The following PTPRE variants were observed in gnomAD, a reference collection of about 807,000 sequenced individuals.
PTPRE encodes receptor-type tyrosine-protein phosphatase epsilon.
In PTPRE, 51 loss-of-function variants were observed where a neutral mutation model predicts 102.0. That is an observed-to-expected ratio of 0.50 (90% CI 0.40 to 0.63). PTPRE has a LOEUF of 0.63. Among genes scored for constraint, PTPRE ranks in the 30% least tolerant of loss-of-function variants. The pLI is 0.00. For synonymous variants in PTPRE, 345 were observed against 348.2 expected (o/e 0.99, Z 0.10); for missense variants, 752 against 915.1 (o/e 0.82, Z 2.30).
intron 1 of PTPRE, among the ~76,000 whole-genome samples, chr10:127,975,201 G>A (rs547915815): frequency 2.5e-4 from 38 of 152,220 alleles, no homozygotes; most frequent in African/African-American, 9.6e-5. Flanking sequence ...CGTGAGACAC[G>A]GTTGTGTGAG....
intron 1 of PTPRE, among the ~76,000 whole-genome samples, chr10:127,926,786 C>T (rs1178810996): frequency 3.4e-5 from 5 of 146,422 alleles, no homozygotes; most frequent in Non-Finnish European, 6.0e-5. Flanking sequence ...TGAGAGAGAC[C>T]AAGGGAAAGA....
intron 2 of PTPRE, among the ~76,000 whole-genome samples, chr10:128,013,337 G>C (rs755202431): frequency 2.0e-5 from 3 of 152,160 alleles, no homozygotes; most frequent in Non-Finnish European, 4.4e-5. Context: ...CAATGTGTGC[G>C]GTCAAAACAA....
At position 127,923,398 on chromosome 10, in the gene PTPRE, ATTTTTTTT is replaced by A. The variant is rs35994733; in HGVS notation, c.-31+16105_-31+16112del. ...GATCCTGATGTGAAAACCAGTTTGA[ATTTTTTTT>A]TTTTTTTTTTTTTTTGAGACGGAAT... is the stretch of plus-strand genomic sequence containing the variant. On this transcript the variant is annotated intron_variant, in intron 1 of 20. Coordinates refer to ENST00000254667, the MANE Select transcript of PTPRE (RefSeq NM_006504.6). Among the ~76,000 whole-genome samples the A allele has an allele frequency of 3.2e-3, 337 of 106,922 alleles. 1 individual carries two copies. The highest frequency in any genetic ancestry group is 0.012 in the African/African-American group (315 of 25,512). The allele number at this position is 106,922 out of a possible 152,430, so 70.1% of individuals were successfully genotyped here.
intron 1 of PTPRE, among the ~76,000 whole-genome samples, chr10:127,942,374 G>T (rs184962523): frequency 6.6e-6 from 1 of 152,262 alleles, no homozygotes; most frequent in Non-Finnish European, 1.5e-5. Flanking sequence ...TAAATTGTAC[G>T]ACATCCTCGA....
intron 2 of PTPRE, among the ~76,000 whole-genome samples, chr10:128,031,400 C>T (rs866241110): frequency 5.9e-5 from 9 of 152,332 alleles, no homozygotes; most frequent in African/African-American, 1.7e-4. Flanking sequence ...TGGGAGACAG[C>T]GGGAGGGCTG....
At chr10:127,932,251 C>T (rs979013995) in intron 1 of PTPRE, among the ~76,000 whole-genome samples, 8 of 152,142 alleles carry the variant, frequency 5.3e-5, no homozygotes, top group Non-Finnish European at 8.8e-5. Flanking sequence ...TAACATGCCG[C>T]GTTGAAGAAC....
rs747881142 is a variant in PTPRE, at chr10:128,082,856, G to A, written c.2053G>A (p.Val685Met). Residue 685 changes from valine to methionine, a missense_variant, in exon 21 of 21, where the codon GTG becomes ATG. Coordinates refer to ENST00000254667, the MANE Select transcript of PTPRE (RefSeq NM_006504.6). ...TLEQYEFCYKVVQDFIDIFSD... is the reference protein window; with the variant it reads ...TLEQYEFCYKMVQDFIDIFSD... Reference sequence around the variant, plus strand: ...GGAACAGTATGAATTCTGCTACAAAGTGGTACAAGATTTTATTGATATATT... The same window carrying A: ...GGAACAGTATGAATTCTGCTACAAAATGGTACAAGATTTTATTGATATATT... 6.4e-7 allele frequency: 1 copy of A among 1,557,526 alleles called. No homozygotes were observed. The highest frequency in any genetic ancestry group is 1.3e-5 in the South Asian group (1 of 77,788).
intron 1 of PTPRE, among the ~76,000 whole-genome samples, chr10:127,937,846 G>A (rs899745946): frequency 6.6e-5 from 10 of 152,140 alleles, no homozygotes; most frequent in Admixed American, 2.0e-4. Context: ...GAGGCAAAGC[G>A]AGACTCTGTC....
rs1260870202 is a variant in PTPRE, at chr10:128,021,914, C to G, written c.-7-18961C>G. ...GGCGAGTCTTCATTCCTGTTCGAGG[C>G]TTTGATTTCCAGTAGTTGGCCGCAA... is the stretch of plus-strand genomic sequence containing the variant. On this transcript the variant is annotated intron_variant, in intron 2 of 20. Coordinates refer to ENST00000254667, the MANE Select transcript of PTPRE (RefSeq NM_006504.6). Among the ~76,000 whole-genome samples the G allele has an allele frequency of 2.0e-5, 3 of 152,238 alleles. No individual in the cohort carries two copies. In the East Asian group the frequency reaches 5.8e-4, roughly 29 times the overall value.
At chr10:128,019,634 C>T (rs1436389045) in intron 2 of PTPRE, among the ~76,000 whole-genome samples, 1 of 134,852 alleles carries the variant, frequency 7.4e-6, no homozygotes, top group Non-Finnish European at 1.8e-5. Flanking sequence ...TATGTCAGCC[C>T]ATTCATTCAT....
intron 1 of PTPRE, among the ~76,000 whole-genome samples, chr10:127,972,476 G>T (rs922730133): frequency 1.3e-5 from 2 of 152,202 alleles, no homozygotes; most frequent in African/African-American, 4.8e-5. Context: ...CCTCATAAAT[G>T]TGATTATTAG....
chr10:128,021,619 G>T (rs1370834984), intron 2 of PTPRE, among the ~76,000 whole-genome samples: 1 of 152,190 alleles, frequency 6.6e-6, no homozygotes, highest in African/African-American at 2.4e-5. Context: ...CCAAAGCATA[G>T]AATGCCCCCA....
chr10:127,970,092 TA>T (rs963952485), intron 1 of PTPRE, among the ~76,000 whole-genome samples: 3 of 151,584 alleles, frequency 2.0e-5, no homozygotes, highest in South Asian at 4.2e-4. Context: ...CACACACGCG[TA>T]AAAAAAAGAG....
chr10:127,935,789 C>T (rs1299513164), intron 1 of PTPRE, among the ~76,000 whole-genome samples: 1 of 152,196 alleles, frequency 6.6e-6, no homozygotes, highest in African/African-American at 2.4e-5. Context: ...TTCACAGGGA[C>T]CCCTCCACCT....
At position 128,008,589 on chromosome 10, in the gene PTPRE, C is replaced by T. The variant is rs1044212583; in HGVS notation, c.-8+26293C>T. On this transcript the variant is annotated intron_variant, in intron 2 of 20. Transcript: ENST00000254667. The surrounding 1 kb of genome is among the most constrained non-coding windows in gnomAD (Gnocchi z 4.0). ...GCCAGCCTGGGCTAGTGGAGCATCC[C>T]GCCTTTGCTTTTGGTATGGGAAGGA... Among the ~76,000 whole-genome samples the T allele has an allele frequency of 2.0e-5, 3 of 152,260 alleles. No homozygotes were observed. Among genetic ancestry groups the T allele is most frequent in the East Asian group, 1.9e-4 (1 of 5,174 alleles).
At chr10:128,030,732 C>T (rs182699623) in intron 2 of PTPRE, among the ~76,000 whole-genome samples, 6 of 152,256 alleles carry the variant, frequency 3.9e-5, no homozygotes, top group African/African-American at 7.2e-5. Context: ...TGAGGGTTGG[C>T]GTTGCCAGGG....
chr10:127,991,471 A>G (rs1479409464), intron 2 of PTPRE, among the ~76,000 whole-genome samples: 1 of 152,218 alleles, frequency 6.6e-6, no homozygotes, highest in Non-Finnish European at 1.5e-5. Context: ...ATATCACTTA[A>G]GAGAGGGTGT....
chr10:127,909,465 T>A (rs1290711269), intron 1 of PTPRE, among the ~76,000 whole-genome samples: 2 of 151,970 alleles, frequency 1.3e-5, no homozygotes, highest in African/African-American at 4.8e-5. Context: ...AGGCCAGAGG[T>A]GTGTTTCTAG....
At chr10:128,016,197 G>A (rs553773430) in intron 2 of PTPRE, among the ~76,000 whole-genome samples, 37 of 152,300 alleles carry the variant, frequency 2.4e-4, no homozygotes, top group Non-Finnish European at 5.1e-4. Flanking sequence ...TCATACCGTA[G>A]GCTTAAGGCC....
Sources: gnomAD v4.1 joint callset for allele counts (sites outside exome capture counted in the v4.1 genomes callset) on GRCh38, gnomAD v4.1.1 for gene constraint, Gnocchi (gnomAD v3.1) non-coding constraint, MANE v1.5 for transcripts, NCBI Gene and HGNC (gene_info 2026-07-23, HGNC 2026-07-21) for gene names.